The following QNG1 variants were observed in gnomAD, a reference collection of about 807,000 sequenced individuals.
QNG1 encodes queuosine 5'-phosphate N-glycosylase/hydrolase.
the QNG1 span, among the ~76,000 whole-genome samples, chr9:83,947,873 C>T: frequency 1.3e-5 from 2 of 152,216 alleles, no homozygotes; most frequent in East Asian, 1.9e-4. Flanking sequence ...CAACCTCCAC[C>T]TCCCAGCCGC....
At chr9:83,956,538 C>T in the QNG1 span, 10 of 1,504,228 alleles carry the variant, frequency 6.6e-6, no homozygotes, top group Non-Finnish European at 8.9e-6. Flanking sequence ...ACTCTTCCCG[C>T]CCTAGGCGGG....
chr9:83,944,717 G>A, the QNG1 span: 1 of 1,141,706 alleles, frequency 8.8e-7, no homozygotes, highest in Non-Finnish European at 1.3e-6. Context: ...TTAAAGCAAA[G>A]GAGACCTTTT....
At chr9:83,956,448 C>A in the QNG1 span, 1 of 1,542,774 alleles carries the variant, frequency 6.5e-7, no homozygotes. Context: ...CACATCCCGA[C>A]TGTTTTCTGC....
chr9:83,948,643 C>T, the QNG1 span, among the ~76,000 whole-genome samples: 19 of 150,682 alleles, frequency 1.3e-4, no homozygotes, highest in African/African-American at 4.0e-4. Context: ...GCGGTTTTGT[C>T]GAATAGAAAG....
the QNG1 span, chr9:83,944,941 T>C: frequency 6.2e-7 from 1 of 1,613,434 alleles, no homozygotes. Context: ...ACACTCCACG[T>C]ATCTGCTACA....
the QNG1 span, among the ~76,000 whole-genome samples, chr9:83,944,444 A>G: frequency 0.018 from 2,800 of 152,220 alleles, 100 homozygotes; most frequent in African/African-American, 0.064. Flanking sequence ...CTATCTTTCA[A>G]CCTACCTTCA....
chr9:83,955,507 T>A, the QNG1 span: 1 of 1,614,174 alleles, frequency 6.2e-7, no homozygotes, highest in Admixed American at 1.7e-5. Context: ...CCAGCAGAAT[T>A]TTCCCGGTTT....
At chr9:83,948,962 C>A in the QNG1 span, among the ~76,000 whole-genome samples, 1 of 151,860 alleles carries the variant, frequency 6.6e-6, no homozygotes, top group African/African-American at 2.4e-5. Flanking sequence ...CTGCGGAAGG[C>A]CGCAGGGTCC....
chr9:83,948,426 GT>G, the QNG1 span, among the ~76,000 whole-genome samples: 2 of 143,534 alleles, frequency 1.4e-5, no homozygotes, highest in African/African-American at 2.6e-5. Context: ...CGGGAGGGAG[GT>G]GGGGGGCAGC....
chr9:83,944,818 C>G, the QNG1 span: 1 of 1,613,316 alleles, frequency 6.2e-7, no homozygotes, highest in South Asian at 1.1e-5. Context: ...TTCAGTAGGT[C>G]ATCAGAGTAT....
At chr9:83,945,695 G>A in the QNG1 span, among the ~76,000 whole-genome samples, 1 of 151,970 alleles carries the variant, frequency 6.6e-6, no homozygotes, top group African/African-American at 2.4e-5. Context: ...TCCGCCTCCT[G>A]GGTTCACGCC....
chr9:83,953,090 G>A, the QNG1 span, among the ~76,000 whole-genome samples: 1 of 151,706 alleles, frequency 6.6e-6, no homozygotes, highest in African/African-American at 2.4e-5. Flanking sequence ...CCAACATGGT[G>A]AAACCCTGTT....
the QNG1 span, among the ~76,000 whole-genome samples, chr9:83,950,340 G>A: frequency 6.6e-6 from 1 of 152,102 alleles, no homozygotes; most frequent in South Asian, 2.1e-4. Context: ...GAGCCACCAC[G>A]CCTGGCCATC....
the QNG1 span, among the ~76,000 whole-genome samples, chr9:83,945,870 G>A: frequency 8.5e-5 from 13 of 152,152 alleles, no homozygotes; most frequent in South Asian, 4.2e-4. Flanking sequence ...CCAAAGTGCC[G>A]AGATTACAGG....
chr9:83,956,080 C>G, the QNG1 span: 1 of 1,391,506 alleles, frequency 7.2e-7, no homozygotes, highest in Non-Finnish European at 1.0e-6. Flanking sequence ...TCTCCCAACC[C>G]GCTCCTTGGA....
At chr9:83,939,939 C>T in the QNG1 span, among the ~76,000 whole-genome samples, 1 of 152,134 alleles carries the variant, frequency 6.6e-6, no homozygotes, top group East Asian at 1.9e-4. Context: ...TCCACAAAGA[C>T]AGGGGCCATA....
At chr9:83,950,996 G>C in the QNG1 span, among the ~76,000 whole-genome samples, 6 of 152,174 alleles carry the variant, frequency 3.9e-5, no homozygotes, top group African/African-American at 1.4e-4. Context: ...GGCCAAGTGC[G>C]GTAGCTCATG....
At chr9:83,954,988 G>A in the QNG1 span, among the ~76,000 whole-genome samples, 4 of 143,980 alleles carry the variant, frequency 2.8e-5, no homozygotes, top group Admixed American at 7.0e-5. Context: ...ACCTGAGGTC[G>A]GGAGTTTGAG....
At chr9:83,944,950 C>G in the QNG1 span, 1 of 1,612,046 alleles carries the variant, frequency 6.2e-7, no homozygotes, top group Non-Finnish European at 8.5e-7. Context: ...GTATCTGCTA[C>G]AAGGATTTGG....
Sources: allele counts gnomAD v4.1 joint callset (sites outside exome capture counted in the v4.1 genomes callset), GRCh38; gene constraint gnomAD v4.1.1; transcripts MANE v1.5; gene names NCBI Gene and HGNC (gene_info 2026-07-23, HGNC 2026-07-21).